Variants in GRAMD1C observed in about 807,000 individuals in gnomAD.
GRAMD1C encodes the protein GRAM domain containing 1C.
GRAMD1C carries 89 observed loss-of-function variants against 97.8 expected under a neutral mutation model. The observed-to-expected ratio is 0.91, with a 90% CI of 0.77 to 1.09. GRAMD1C has a LOEUF of 1.09. Ranked by LOEUF, GRAMD1C falls within the 50% of genes least tolerant of loss-of-function variation. The pLI is 0.00. For missense variants in GRAMD1C, 740 were observed against 766.4 expected (o/e 0.97, Z 0.41); for synonymous variants, 256 against 267.0 (o/e 0.96, Z 0.40).
At chr3:113,849,894 C>T (rs1250389444) in intron 2 of GRAMD1C, among the ~76,000 whole-genome samples, 15 of 151,096 alleles carry the variant, frequency 9.9e-5, no homozygotes, top group East Asian at 9.8e-4. Flanking sequence ...CCTCACCTCC[C>T]GGACGGGGCG....
chr3:113,882,305 T>G (rs1041708603), intron 5 of GRAMD1C, among the ~76,000 whole-genome samples: 3 of 152,210 alleles, frequency 2.0e-5, no homozygotes, highest in African/African-American at 7.2e-5. Context: ...AATTAAAAAT[T>G]AAGATCCTTA....
chr3:113,937,079 G>C (rs551692651), intron 14 of GRAMD1C, among the ~76,000 whole-genome samples: 2 of 152,262 alleles, frequency 1.3e-5, no homozygotes, highest in East Asian at 3.9e-4. Flanking sequence ...CAATTTCTAC[G>C]TTTGAGTGTA....
At chr3:113,854,503 GGTTGA>G (rs1176678083) in intron 2 of GRAMD1C, among the ~76,000 whole-genome samples, 1 of 152,202 alleles carries the variant, frequency 6.6e-6, no homozygotes, top group Non-Finnish European at 1.5e-5. Flanking sequence ...TACTGCGTTA[GGTTGA>G]GTTAGGTGCA....
chr3:113,868,098 G>A (rs1216973880), intron 2 of GRAMD1C, among the ~76,000 whole-genome samples: 1 of 151,994 alleles, frequency 6.6e-6, no homozygotes, highest in East Asian at 1.9e-4. Context: ...TTTGATTGTA[G>A]TTTTCAACCC....
intron 1 of GRAMD1C, among the ~76,000 whole-genome samples, chr3:113,843,186 C>A (rs1406226207): frequency 6.6e-6 from 1 of 151,586 alleles, no homozygotes; most frequent in African/African-American, 2.4e-5. Context: ...GCAATCCTCC[C>A]ACCTCAGCCT....
At chr3:113,908,896 C>T in intron 8 of GRAMD1C, 62 bp from the exon 9 acceptor site, 1 of 914,268 alleles carries the variant, frequency 1.1e-6, no homozygotes, top group Non-Finnish European at 1.6e-6. Flanking sequence ...TATTAAAGTT[C>T]TCACTGCAAA....
At chr3:113,943,560 G>A (rs529162944) in intron 17 of GRAMD1C, among the ~76,000 whole-genome samples, 2 of 152,106 alleles carry the variant, frequency 1.3e-5, no homozygotes, top group Non-Finnish European at 2.9e-5. Flanking sequence ...TACAATACGT[G>A]GTCTTTTGAG....
chr3:113,885,724 G>A (rs1053661414), intron 6 of GRAMD1C: 5 of 1,555,942 alleles, frequency 3.2e-6, no homozygotes, highest in Admixed American at 3.3e-5. Flanking sequence ...GCTGTGGCAG[G>A]TAAACTGGAC....
Position 113,938,105 on chromosome 3 carries a change from A to G in GRAMD1C, c.1653A>G (p.Glu551=). The G allele has an allele frequency of 6.5e-7, 1 of 1,537,734 alleles. No individual in the cohort carries two copies. The highest frequency in any genetic ancestry group is 8.9e-7 in the Non-Finnish European group (1 of 1,124,598). The stretch of plus-strand genomic sequence containing the variant: ...CTACAGGAAAGAAAAAGGAAATGGA[A>G]AACTATAACGTCACTCTTATTGTGG... The part of the protein sequence containing the change: ...GDITGKKKEM[E]NYNVTLIVVM... The change falls in exon 15 of 18, where the codon GAA becomes GAG. Residue 551 remains glutamate, a synonymous_variant. Coordinates refer to ENST00000358160, the MANE Select transcript of GRAMD1C (RefSeq NM_017577.5).
intron 6 of GRAMD1C, among the ~76,000 whole-genome samples, chr3:113,893,381 C>CTTTT (rs35099680): frequency 6.8e-6 from 1 of 146,766 alleles, no homozygotes; most frequent in Non-Finnish European, 1.5e-5. Flanking sequence ...AAATGTTCTG[C>CTTTT]TTTTTTTTTT....
At chr3:113,892,507 C>G (rs2107428049) in intron 6 of GRAMD1C, among the ~76,000 whole-genome samples, 1 of 152,184 alleles carries the variant, frequency 6.6e-6, no homozygotes, top group South Asian at 2.1e-4. Flanking sequence ...TAAAAAACTA[C>G]TTTGGTACAT....
intron 2 of GRAMD1C, among the ~76,000 whole-genome samples, chr3:113,851,467 A>G (rs934274910): frequency 7.9e-5 from 12 of 151,986 alleles, no homozygotes; most frequent in African/African-American, 2.7e-4. Flanking sequence ...TTAGGTTTTA[A>G]TAGAAAATAT....
At chr3:113,880,944 C>T (rs1935234398) in intron 5 of GRAMD1C, among the ~76,000 whole-genome samples, 1 of 152,074 alleles carries the variant, frequency 6.6e-6, no homozygotes, top group Non-Finnish European at 1.5e-5. Context: ...TTCATTTTTT[C>T]ATCATCATGG....
chr3:113,850,779 A>AT (rs1029371036), intron 2 of GRAMD1C: 2,074 of 830,968 alleles, frequency 2.5e-3, no homozygotes, highest in Non-Finnish European at 2.8e-3. Context: ...GATATACTTA[A>AT]TTTTTTTTTT....
intron 6 of GRAMD1C, chr3:113,897,795 G>C (rs1484122032): frequency 6.1e-6 from 6 of 979,872 alleles, no homozygotes; most frequent in Non-Finnish European, 6.1e-6. Flanking sequence ...GAAAGGGAGA[G>C]ACTCTCCTTG....
intron 6 of GRAMD1C, among the ~76,000 whole-genome samples, chr3:113,883,892 C>T (rs1170969623): frequency 6.6e-6 from 1 of 152,140 alleles, no homozygotes; most frequent in Non-Finnish European, 1.5e-5. Context: ...TGCCTGTAAT[C>T]CCAGCACTTT....
chr3:113,920,225 A>T, intron 10 of GRAMD1C: 1 of 1,117,870 alleles, frequency 8.9e-7, no homozygotes, highest in Non-Finnish European at 1.3e-6. Flanking sequence ...CAAAAAAAAA[A>T]AGCAACAAAT....
chr3:113,837,618 G>A (rs1268450610), upstream of GRAMD1C, among the ~76,000 whole-genome samples: 1 of 152,186 alleles, frequency 6.6e-6, no homozygotes, highest in Non-Finnish European at 1.5e-5. Flanking sequence ...TGGGAGCTGT[G>A]GCTTGCACGT....
intron 10 of GRAMD1C, among the ~76,000 whole-genome samples, chr3:113,926,978 A>G (rs991287696): frequency 6.6e-6 from 1 of 152,184 alleles, no homozygotes; most frequent in African/African-American, 2.4e-5. Flanking sequence ...TGGTGGCAGT[A>G]GGATCTGTGC....
Sources: gnomAD v4.1 joint callset for allele counts (sites outside exome capture counted in the v4.1 genomes callset) on GRCh38, gnomAD v4.1.1 for gene constraint, MANE v1.5 for transcripts, NCBI Gene and HGNC (gene_info 2026-07-23, HGNC 2026-07-21) for gene names.